Variants in LRP6 observed in about 807,000 individuals in gnomAD.
The protein encoded by LRP6 is low-density lipoprotein receptor-related protein 6.
In LRP6, 43 loss-of-function variants were observed where a neutral mutation model predicts 184.1. That is an observed-to-expected ratio of 0.23 (90% CI 0.18 to 0.30). LRP6 has a LOEUF of 0.30. Among genes scored for constraint, LRP6 ranks in the 10% least tolerant of loss-of-function variants. The probability of loss-of-function intolerance (pLI) is 1.00; values close to 1 mark genes in which losing one functional copy is unlikely to be tolerated. For synonymous variants in LRP6, 719 were observed against 684.9 expected (o/e 1.05, Z -0.78); for missense variants, 1,571 against 2,005.3 (o/e 0.78, Z 4.14).
intron 3 of LRP6, among the ~76,000 whole-genome samples, chr12:12,189,462 TA>T (rs375916928): frequency 6.4e-4 from 97 of 152,358 alleles, no homozygotes; most frequent in African/African-American, 2.2e-3. Flanking sequence ...AGTAAGTTCT[TA>T]AAATCAATGG....
intron 1 of LRP6, among the ~76,000 whole-genome samples, chr12:12,261,807 A>C (rs953493883): frequency 3.3e-5 from 5 of 152,212 alleles, no homozygotes; most frequent in Non-Finnish European, 7.3e-5. Flanking sequence ...AGACTTTATA[A>C]CACCTGATTT....
chr12:12,247,471 C>T (rs1865216259), intron 1 of LRP6, among the ~76,000 whole-genome samples: 1 of 152,160 alleles, frequency 6.6e-6, no homozygotes, highest in Non-Finnish European at 1.5e-5. Context: ...TTCTGAGTCT[C>T]TTCTCCCTCC....
intron 19 of LRP6, among the ~76,000 whole-genome samples, chr12:12,129,536 T>C (rs1043821383): frequency 1.3e-5 from 2 of 152,094 alleles, no homozygotes; most frequent in East Asian, 1.9e-4. Context: ...ACACTATTCA[T>C]TGATCAACAC....
chr12:12,223,534 T>C (rs1456268344), intron 2 of LRP6, among the ~76,000 whole-genome samples: 1 of 152,214 alleles, frequency 6.6e-6, no homozygotes, highest in African/African-American at 2.4e-5. Flanking sequence ...TTCAACAATA[T>C]GACTGGTAAT....
At chr12:12,231,306 G>A (rs1864782507) in intron 2 of LRP6, among the ~76,000 whole-genome samples, 1 of 150,994 alleles carries the variant, frequency 6.6e-6, no homozygotes, top group Non-Finnish European at 1.5e-5. Context: ...GAAGATCTTG[G>A]CACACAAGAC....
Position 12,184,131 on chromosome 12 carries a change from T to TG in LRP6, c.845-21_845-20insC. The TG allele has an allele frequency of 6.2e-7, 1 of 1,605,408 alleles. No individual in the cohort carries two copies. The highest frequency in any genetic ancestry group is 8.5e-7 in the Non-Finnish European group (1 of 1,172,416). On this transcript the variant is annotated intron_variant, in intron 4 of 22. Transcript: ENST00000261349. The stretch of plus-strand genomic sequence containing the variant: ...TTGTGGCTGTCAAATATAAATCACA[T>TG]TGATTAATATCAATGATTACTAAGT...
chr12:12,190,418 T>TC (rs1362031652), intron 3 of LRP6, among the ~76,000 whole-genome samples: 4 of 151,778 alleles, frequency 2.6e-5, no homozygotes, highest in Admixed American at 6.6e-5. Context: ...AAACAGAGAC[T>TC]CCCCCCAACC....
At chr12:12,252,666 T>C (rs1466868515) in intron 1 of LRP6, among the ~76,000 whole-genome samples, 1 of 152,174 alleles carries the variant, frequency 6.6e-6, no homozygotes, top group East Asian at 1.9e-4. Flanking sequence ...CAATGTTAAC[T>C]TGGTCATAAT....
chr12:12,209,541 C>T (rs1046076373), intron 2 of LRP6, among the ~76,000 whole-genome samples: 1 of 152,042 alleles, frequency 6.6e-6, no homozygotes, highest in African/African-American at 2.4e-5. Flanking sequence ...TACAGATGTG[C>T]CTTCATTTGT....
In LRP6 at chr12:12,124,545, T is replaced by G. The variant is rs771773368; in HGVS notation, c.4547+20A>C. On this transcript the variant is annotated intron_variant, in intron 22 of 22. Coordinates refer to ENST00000261349, the MANE Select transcript of LRP6 (RefSeq NM_002336.3). ...TTTCAATAAATACTGCACCTTATTT[T>G]AGAGAAGGATGTGTATTACCTGTAT... 3.3e-6 allele frequency: 5 copies of G among 1,529,756 alleles called. No homozygotes were observed. In the East Asian group the frequency reaches 6.7e-5, roughly 21 times the overall value. 94.8% of individuals were successfully genotyped at this position (1,529,756 alleles called of 1,614,324 possible).
chr12:12,160,082 T>C (rs1862703794), intron 10 of LRP6, 118 bp from the exon 11 acceptor site: 1 of 727,606 alleles, frequency 1.4e-6, no homozygotes. Context: ...ATCAAGGAAA[T>C]GGGTTAAACA....
At chr12:12,173,501 C>T (rs1863099002) in intron 7 of LRP6, among the ~76,000 whole-genome samples, 1 of 151,872 alleles carries the variant, frequency 6.6e-6, no homozygotes, top group African/African-American at 2.4e-5. Flanking sequence ...CACCACAATG[C>T]CTAGCTAATT....
At chr12:12,245,875 T>G (rs1865170825) in intron 1 of LRP6, among the ~76,000 whole-genome samples, 1 of 152,142 alleles carries the variant, frequency 6.6e-6, no homozygotes, top group Non-Finnish European at 1.5e-5. Flanking sequence ...TACAGAACTT[T>G]CTGTGATGAT....
intron 7 of LRP6, among the ~76,000 whole-genome samples, chr12:12,171,823 T>C (rs1375325041): frequency 6.6e-6 from 1 of 152,256 alleles, no homozygotes; most frequent in Admixed American, 6.5e-5. Flanking sequence ...AATCTTTTTC[T>C]ACCGGGCACA....
In LRP6 at chr12:12,244,578, T is replaced by A; in HGVS notation, c.133A>T (p.Ile45Phe). The A allele has an allele frequency of 6.2e-7, 1 of 1,614,094 alleles. No individual in the cohort carries two copies. The highest frequency in any genetic ancestry group is 8.5e-7 in the Non-Finnish European group (1 of 1,179,980). Residue 45 changes from isoleucine (I) to phenylalanine (F), a missense_variant, in exon 2 of 23, where the codon ATT becomes TTT. Physicochemically the swap from Ile to Phe is conservative, Grantham distance 21. This residue lies in a region of LRP6 where 640 missense variants were observed against 851.9 expected (regional missense o/e 0.75). Transcript: ENST00000261349. ...GCATCCTCCAAGCCTCCAACTACAA[T>A]CGTAGCATTCTCTTTGCCATTTGTA... ...DATNGKENAT[I>F]VVGGLEDAAA...
chr12:12,208,575 A>G (rs1337354848), intron 2 of LRP6, among the ~76,000 whole-genome samples: 9 of 152,322 alleles, frequency 5.9e-5, no homozygotes, highest in Non-Finnish European at 1.2e-4. Flanking sequence ...TTTGTAGATA[A>G]ACTATAAAGA....
intron 7 of LRP6, 142 bp downstream of exon 7, chr12:12,179,668 G>T: frequency 1.3e-6 from 1 of 759,730 alleles, no homozygotes; most frequent in Non-Finnish European, 2.2e-6. Flanking sequence ...AATCATGAAG[G>T]TTGAGTAAAA....
At chr12:12,154,508 G>A (rs1014335559) in intron 12 of LRP6, among the ~76,000 whole-genome samples, 1 of 152,158 alleles carries the variant, frequency 6.6e-6, no homozygotes, top group Admixed American at 6.5e-5. Context: ...GAAGTAATGC[G>A]CAGCATGTAA....
intron 15 of LRP6, 181 bp from the exon 16 acceptor site, chr12:12,138,715 A>T: frequency 7.3e-7 from 1 of 1,368,052 alleles, no homozygotes; most frequent in Non-Finnish European, 9.9e-7. Flanking sequence ...AATAAACTAG[A>T]TATTAATATG....
Sources: gnomAD v4.1 joint callset for allele counts (sites outside exome capture counted in the v4.1 genomes callset) on GRCh38, gnomAD v4.1.1 for gene constraint, gnomAD v4.1.1 regional missense constraint, MANE v1.5 for transcripts, NCBI Gene and HGNC (gene_info 2026-07-23, HGNC 2026-07-21) for gene names.